XPO7: variants seen among roughly 807,000 people sequenced by gnomAD.
XPO7 encodes exportin-7.
In XPO7, 21 loss-of-function variants were observed where a neutral mutation model predicts 144.3. The observed-to-expected ratio is 0.15, with a 90% CI of 0.10 to 0.21. The LOEUF is 0.21. XPO7 is among the 10% of genes least tolerant of loss of function. XPO7 has a pLI of 1.00. For synonymous variants in XPO7, 580 were observed against 499.6 expected (o/e 1.16, Z -2.15); for missense variants, 808 against 1,325.8 (o/e 0.61, Z 6.06).
chr8:22,000,856 G>A (rs1322660739), intron 24 of XPO7, among the ~76,000 whole-genome samples: 2 of 152,146 alleles, frequency 1.3e-5, no homozygotes, highest in Non-Finnish European at 2.9e-5. Context: ...AAATAGTGAT[G>A]ATATGTTGCA....
At chr8:21,991,832 G>T in intron 18 of XPO7, 36 bp from the exon 19 acceptor site, 5 of 1,540,140 alleles carry the variant, frequency 3.2e-6, no homozygotes, top group Non-Finnish European at 4.4e-6. Context: ...TGAATTCTTG[G>T]TATTGGGGTT....
Position 21,984,855 on chromosome 8 carries a change from G to A in XPO7, c.1471+16G>A. ...GTGCAGGAGGGTGAGTGTGCAGCGT[G>A]CTGGGAACTCTAGACCTGTGAGGAG... On this transcript the variant is annotated intron_variant, in intron 12 of 27. Transcript: ENST00000252512. 6.2e-7 allele frequency: 1 copy of A among 1,612,456 alleles called. No homozygotes were observed. Among genetic ancestry groups the A allele is most frequent in the Non-Finnish European group, 8.5e-7 (1 of 1,179,502 alleles).
chr8:21,972,048 C>T (rs112022053), intron 5 of XPO7, 107 bp downstream of exon 5: 32 of 1,041,244 alleles, frequency 3.1e-5, no homozygotes, highest in African/African-American at 4.7e-5. Flanking sequence ...TGTGCTTTTG[C>T]GGTAAGTGAT....
At chr8:21,937,443 C>T (rs764129876) in intron 1 of XPO7, among the ~76,000 whole-genome samples, 12 of 152,210 alleles carry the variant, frequency 7.9e-5, no homozygotes, top group Admixed American at 1.3e-4. Flanking sequence ...TGCTGGCAGA[C>T]TCCACAGGAG....
chr8:21,980,212 A>G lies in XPO7; in HGVS notation c.957+9A>G. 6.4e-7 allele frequency: 1 copy of G among 1,574,678 alleles called. No individual in the cohort carries two copies. The highest frequency in any genetic ancestry group is 8.6e-7 in the Non-Finnish European group (1 of 1,158,468). On this transcript the variant is annotated intron_variant, in intron 9 of 27. Transcript: ENST00000252512. The stretch of plus-strand genomic sequence containing the variant: ...TACTGGAAAACCCACAGGTAAGTTT[A>G]TCTGAGAATTTACATATGTATAGGA...
chr8:21,985,580 C>T lies in XPO7; in HGVS notation c.1472-6C>T. 6.2e-7 allele frequency: 1 copy of T among 1,613,858 alleles called. No homozygotes were observed. The highest frequency in any genetic ancestry group is 8.5e-7 in the Non-Finnish European group (1 of 1,179,750). On this transcript the variant is annotated splice_polypyrimidine_tract_variant and splice_region_variant and intron_variant, in intron 12 of 27. Coordinates refer to ENST00000252512, the MANE Select transcript of XPO7 (RefSeq NM_015024.5). ...GAGGTGACACTGGGTCTGTCTCCTGCTGCAGGAAGGCTGACATGGCTGGTT... is the reference window on the plus strand; with the variant it reads ...GAGGTGACACTGGGTCTGTCTCCTGTTGCAGGAAGGCTGACATGGCTGGTT...
intron 13 of XPO7, among the ~76,000 whole-genome samples, chr8:21,986,830 C>T (rs1334706193): frequency 6.6e-6 from 1 of 152,208 alleles, no homozygotes; most frequent in Non-Finnish European, 1.5e-5. Flanking sequence ...TATTCGCATT[C>T]ACTCACTTGC....
chr8:21,920,116 C>T (rs961471927), intron 1 of XPO7, among the ~76,000 whole-genome samples: 1 of 150,688 alleles, frequency 6.6e-6, no homozygotes, highest in South Asian at 2.1e-4. Flanking sequence ...GTCCTCGGGC[C>T]CCCCCGCCCG....
At chr8:22,002,370 C>T (rs1813180183) in intron 25 of XPO7, 98 bp downstream of exon 25, 2 of 1,394,914 alleles carry the variant, frequency 1.4e-6, no homozygotes, top group South Asian at 2.7e-5. Flanking sequence ...CATGACATCT[C>T]ATCAGGTTCC....
At chr8:21,987,463 T>C (rs1812617862) in intron 14 of XPO7, among the ~76,000 whole-genome samples, 187 bp downstream of exon 14, 1 of 152,216 alleles carries the variant, frequency 6.6e-6, no homozygotes, top group Non-Finnish European at 1.5e-5. Flanking sequence ...TCTTTAGTGC[T>C]CCATATGCTT....
chr8:21,989,848 T>G (rs1162284097), intron 16 of XPO7, among the ~76,000 whole-genome samples: 1 of 59,404 alleles, frequency 1.7e-5, no homozygotes, highest in Non-Finnish European at 3.0e-5. Context: ...TTTTTTTTTT[T>G]TTTTTTTTTT....
rs940836364 is a variant in XPO7, at chr8:22,005,731, T to A, written c.*643T>A. The A allele has an allele frequency of 1.3e-5, 2 of 152,250 alleles. No individual in the cohort carries two copies. Among genetic ancestry groups the A allele is most frequent in the East Asian group, 3.8e-4 (2 of 5,202 alleles). 9.4% of individuals were successfully genotyped at this position (152,250 alleles called of 1,614,324 possible). The stretch of plus-strand genomic sequence containing the variant: ...CCTGTTACTGTATTAACCCTTGTTA[T>A]TAGGAACTCTAAGCCATGCCAGAAC... On this transcript the variant is annotated 3_prime_UTR_variant, in exon 28 of 28. Transcript: ENST00000252512.
intron 15 of XPO7, chr8:21,988,299 C>G (rs1812647397): frequency 5.7e-6 from 1 of 175,722 alleles, no homozygotes; most frequent in Non-Finnish European, 1.2e-5. Flanking sequence ...GGAAACATCA[C>G]ACCCTTTAAG....
intron 1 of XPO7, among the ~76,000 whole-genome samples, chr8:21,933,209 T>C (rs2117252906): frequency 6.6e-6 from 1 of 150,778 alleles, no homozygotes. Flanking sequence ...CAAGTGATTC[T>C]CCTGTCTCAG....
intron 16 of XPO7, among the ~76,000 whole-genome samples, chr8:21,989,821 CTTTTTTTTTTTTTTTTTT>C (rs1170364778): frequency 6.7e-4 from 40 of 59,694 alleles, no homozygotes; most frequent in East Asian, 2.7e-3. Flanking sequence ...TAGGTGTTTC[CTTTTTTTTTTTTTTTTTT>C]TTTTTTTTTT....
Position 22,003,760 on chromosome 8 carries a change from C to G in XPO7, c.3043-143C>G. ...GCCATATTATCCCACAAGTGCTTGCCTGAATTTCTTTTTTAAGGGTCCAAT... is the reference window on the plus strand; with the variant it reads ...GCCATATTATCCCACAAGTGCTTGCGTGAATTTCTTTTTTAAGGGTCCAAT... On this transcript the variant is annotated intron_variant, in intron 26 of 27. Coordinates refer to ENST00000252512, the MANE Select transcript of XPO7 (RefSeq NM_015024.5). 10 of 1,229,038 alleles carry G rather than the reference C, an allele frequency of 8.1e-6. No homozygotes were observed. The South Asian group carries it at 1.6e-4, about 19-fold the overall frequency. The allele number at this position is 1,229,038 out of a possible 1,614,324, so 76.1% of individuals were successfully genotyped here.
Position 21,974,662 on chromosome 8 carries a change from C to T in XPO7, c.493-8C>T. On this transcript the variant is annotated splice_polypyrimidine_tract_variant and splice_region_variant and intron_variant, in intron 5 of 27. Coordinates refer to ENST00000252512, the MANE Select transcript of XPO7 (RefSeq NM_015024.5). Reference sequence around the variant, plus strand: ...TTCTTTGCATTGGTTTCTTCTTTTTCTGCACAGGCAGACACCACCCATCCT... The same window carrying T: ...TTCTTTGCATTGGTTTCTTCTTTTTTTGCACAGGCAGACACCACCCATCCT... The T allele has an allele frequency of 1.3e-6, 2 of 1,548,138 alleles. No homozygotes were observed. The highest frequency in any genetic ancestry group is 2.1e-5 in the Admixed American group (1 of 46,524).
chr8:21,993,780 C>T (rs1231671422), intron 19 of XPO7, among the ~76,000 whole-genome samples: 1 of 151,860 alleles, frequency 6.6e-6, no homozygotes, highest in Admixed American at 6.6e-5. Context: ...TGTAGACTCC[C>T]CTTTGTCTTC....
chr8:21,930,437 A>G (rs184332815), intron 1 of XPO7, among the ~76,000 whole-genome samples: 3 of 152,332 alleles, frequency 2.0e-5, no homozygotes, highest in Admixed American at 1.3e-4. Context: ...ACATCTATGC[A>G]TAGAACATAA....
Sources: allele counts gnomAD v4.1 joint callset (sites outside exome capture counted in the v4.1 genomes callset), GRCh38; gene constraint gnomAD v4.1.1; transcripts MANE v1.5; gene names NCBI Gene and HGNC (gene_info 2026-07-23, HGNC 2026-07-21).